The following ARHGAP39 variants were observed in gnomAD, a reference collection of about 807,000 sequenced individuals.
The protein encoded by ARHGAP39 is Rho GTPase activating protein 39.
In ARHGAP39, 44 loss-of-function variants were observed where a neutral mutation model predicts 106.9. The ratio of observed to expected loss-of-function variants is 0.41; its 90% CI spans 0.32 to 0.53. The LOEUF is 0.53. Ranked by LOEUF, ARHGAP39 falls within the 20% of genes least tolerant of loss-of-function variation. The probability of loss-of-function intolerance (pLI) is 0.21; values close to 1 mark genes in which losing one functional copy is unlikely to be tolerated. For missense variants in ARHGAP39, 1,496 were observed against 1,577.3 expected (o/e 0.95, Z 0.87); for synonymous variants, 768 against 693.2 (o/e 1.11, Z -1.69).
intron 1 of ARHGAP39, among the ~76,000 whole-genome samples, chr8:144,652,401 A>T (rs1241984543): frequency 1.3e-5 from 2 of 152,196 alleles, no homozygotes; most frequent in African/African-American, 2.4e-5. Flanking sequence ...CAGCAATTCC[A>T]TTATTGGGTA....
chr8:144,660,474 C>A (rs1275820724), intron 1 of ARHGAP39, among the ~76,000 whole-genome samples: 1 of 152,206 alleles, frequency 6.6e-6, no homozygotes, highest in Non-Finnish European at 1.5e-5. Flanking sequence ...TTCCTTGGAA[C>A]TGCACTGTGC....
intron 2 of ARHGAP39, among the ~76,000 whole-genome samples, chr8:144,582,061 C>A (rs1819012249): frequency 6.6e-6 from 1 of 152,084 alleles, no homozygotes; most frequent in Non-Finnish European, 1.5e-5. Context: ...CTGCGACAGG[C>A]CTGGTCCTCG....
chr8:144,554,479 G>A (rs1274804285), intron 4 of ARHGAP39, among the ~76,000 whole-genome samples: 2 of 152,066 alleles, frequency 1.3e-5, no homozygotes, highest in Non-Finnish European at 2.9e-5. Flanking sequence ...GGATGGCAGA[G>A]CTGAGGCAGT....
intron 1 of ARHGAP39, among the ~76,000 whole-genome samples, chr8:144,682,847 A>G (rs1490228883): frequency 6.6e-6 from 1 of 151,980 alleles, no homozygotes; most frequent in Non-Finnish European, 1.5e-5. Context: ...ACATCTCTAC[A>G]AACAAAACCG....
At chr8:144,546,649 T>G (rs1453391830) in intron 5 of ARHGAP39, among the ~76,000 whole-genome samples, 1 of 152,216 alleles carries the variant, frequency 6.6e-6, no homozygotes, top group East Asian at 1.9e-4. Context: ...GGCCCCAGGC[T>G]GGGCGCAACA....
rs1196308249 is a variant in ARHGAP39 at position 144,647,341 on chromosome 8, A to G, written c.-82+38345T>C. Among the ~76,000 whole-genome samples the G allele has an allele frequency of 1.3e-5, 2 of 152,118 alleles. No individual in the cohort carries two copies. Among genetic ancestry groups the G allele is most frequent in the Non-Finnish European group, 2.9e-5 (2 of 68,004 alleles). ...GAAGGGACGAACAGCCCATCCTCACATGAAACCCGCAGACTGCTGTGTCAA... is the reference window on the plus strand; with the variant it reads ...GAAGGGACGAACAGCCCATCCTCACGTGAAACCCGCAGACTGCTGTGTCAA... On this transcript the variant is annotated intron_variant, in intron 1 of 11. Transcript: ENST00000377307. This position sits in a 1 kb window ranked among gnomAD's most constrained non-coding sequence, Gnocchi z 4.8.
intron 8 of ARHGAP39, among the ~76,000 whole-genome samples, 189 bp downstream of exon 8, chr8:144,533,940 C>T (rs1487467585): frequency 2.6e-5 from 4 of 152,094 alleles, no homozygotes; most frequent in African/African-American, 7.2e-5. Context: ...GAAGAGCCCC[C>T]GGGGGAGGGT....
At chr8:144,583,348 G>A (rs1460561427) in intron 2 of ARHGAP39, among the ~76,000 whole-genome samples, 2 of 152,134 alleles carry the variant, frequency 1.3e-5, no homozygotes, top group African/African-American at 4.8e-5. Flanking sequence ...GATTCACCGC[G>A]TGTCACCTCC....
At chr8:144,532,564 C>T (rs769490353) in intron 9 of ARHGAP39, among the ~76,000 whole-genome samples, 168 bp from the exon 10 acceptor site, 8 of 152,176 alleles carry the variant, frequency 5.3e-5, no homozygotes, top group Non-Finnish European at 1.2e-4. Context: ...GGGTGGGTGG[C>T]GCTCTTCAGG....
intron 1 of ARHGAP39, among the ~76,000 whole-genome samples, chr8:144,612,836 G>C (rs574581962): frequency 6.6e-6 from 1 of 152,290 alleles, no homozygotes. Flanking sequence ...CGGGGCAACA[G>C]AGTGAGATCC....
intron 1 of ARHGAP39, among the ~76,000 whole-genome samples, chr8:144,680,609 T>C (rs1822385749): frequency 6.6e-6 from 1 of 152,130 alleles, no homozygotes; most frequent in South Asian, 2.1e-4. Flanking sequence ...AATTAGATGT[T>C]CGATTTTAAA....
intron 1 of ARHGAP39, among the ~76,000 whole-genome samples, chr8:144,630,186 C>G (rs139804917): frequency 0.019 from 2,924 of 152,110 alleles, 43 homozygotes; most frequent in Non-Finnish European, 0.028. Context: ...CCCAGCTAGG[C>G]CCCCACCCGG....
Position 144,548,459 on chromosome 8 carries a change from G to A in ARHGAP39, c.627C>T (p.Ala209=), listed in dbSNP as rs1248243179. The A allele has an allele frequency of 6.2e-7, 1 of 1,610,542 alleles. No homozygotes were observed. Among genetic ancestry groups the A allele is most frequent in the Non-Finnish European group, 8.5e-7 (1 of 1,179,602 alleles). Residue 209 remains alanine (A), a synonymous_variant, in exon 5 of 12, where the codon GCC becomes GCT. Coordinates refer to ENST00000377307, the MANE Select transcript of ARHGAP39 (RefSeq NM_025251.3). This position sits in a 1 kb window ranked among gnomAD's most constrained non-coding sequence, Gnocchi z 7.4. ...CGACCTTGATGAGCATGCGCTCTTT[G>A]GCGCCCGAGTTCCACCGCAGCGAGG... ...RTSSLRWNSG[A]KERMLIKVAD...
chr8:144,531,241 ACAGGGCAGC>A (rs1564831645), intron 10 of ARHGAP39, among the ~76,000 whole-genome samples: 1 of 31,620 alleles, frequency 3.2e-5, no homozygotes, highest in Non-Finnish European at 6.1e-5. Flanking sequence ...GCAGAAGGGC[ACAGGGCAGC>A]GAGCAGCAGG....
intron 1 of ARHGAP39, among the ~76,000 whole-genome samples, chr8:144,618,208 C>T (rs1401678969): frequency 6.6e-6 from 1 of 152,234 alleles, no homozygotes; most frequent in Non-Finnish European, 1.5e-5. Context: ...CAAAGCCCAC[C>T]CGAGCCCAGT....
At chr8:144,601,463 GA>G (rs1333382747) in intron 2 of ARHGAP39, among the ~76,000 whole-genome samples, 1 of 133,032 alleles carries the variant, frequency 7.5e-6, no homozygotes, top group Non-Finnish European at 1.6e-5. Context: ...CATGTGCGTG[GA>G]GGTGTGTGTG....
At chr8:144,610,667 G>A (rs1586612867) in intron 1 of ARHGAP39, among the ~76,000 whole-genome samples, 3 of 151,962 alleles carry the variant, frequency 2.0e-5, no homozygotes, top group East Asian at 1.9e-4. Context: ...AGCTGAGATC[G>A]TGCCACTGCA....
intron 1 of ARHGAP39, among the ~76,000 whole-genome samples, chr8:144,648,567 GC>G (rs762194009): frequency 6.6e-6 from 1 of 152,180 alleles, no homozygotes; most frequent in Non-Finnish European, 1.5e-5. Flanking sequence ...CTGTTTAAAA[GC>G]TTTTTATTCC....
Position 144,547,444 on chromosome 8 carries a change from C to T in ARHGAP39, c.1642G>A (p.Gly548Ser), listed in dbSNP as rs201556048. ...TGCGCCAGGAAGGGCTCGGCCGCGC[C>T]CCGCGCCCCTTCGGCCTCACCTTCC... is the stretch of plus-strand genomic sequence containing the variant. ...RAEGEAEGAR[G>S]AAEPFLAQAR... is the part of the protein sequence containing the mutation. The change falls in exon 5 of 12, where the codon GGC (glycine) becomes AGC (serine). Residue 548 changes from glycine (G) to serine (S), a missense_variant. Physicochemically the swap from Gly to Ser is moderately conservative, Grantham distance 56 (BLOSUM62 0). This residue lies in a region of ARHGAP39 where 905 missense variants were observed against 816.4 expected (regional missense o/e 1.11). Transcript: ENST00000377307. The surrounding 1 kb of genome is among the most constrained non-coding windows in gnomAD (Gnocchi z 5.2). The T allele has an allele frequency of 3.1e-4, 492 of 1,573,896 alleles. No homozygotes were observed. Among genetic ancestry groups the T allele is most frequent in the Non-Finnish European group, 4.0e-4 (462 of 1,167,060 alleles).
Sources: allele counts gnomAD v4.1 joint callset (sites outside exome capture counted in the v4.1 genomes callset), GRCh38; gene constraint gnomAD v4.1.1; regional missense constraint gnomAD v4.1.1; non-coding constraint Gnocchi (gnomAD v3.1); transcripts MANE v1.5; gene names NCBI Gene and HGNC (gene_info 2026-07-23, HGNC 2026-07-21).